The following LTBP1 variants were observed in gnomAD, a reference collection of about 807,000 sequenced individuals.
LTBP1 encodes the protein latent-transforming growth factor beta-binding protein 1.
LTBP1 carries 129 observed loss-of-function variants against 207.6 expected under a neutral mutation model. That is an observed-to-expected ratio of 0.62 (90% confidence interval 0.54 to 0.72). The LOEUF is 0.72. LTBP1 is among the 30% of genes least tolerant of loss of function. LTBP1 has a pLI of 0.00. For synonymous variants in LTBP1, 963 were observed against 833.7 expected, an observed-to-expected ratio of 1.16 and a Z score of -2.67; for missense variants, 2,281 against 2,217.2, an observed-to-expected ratio of 1.03 and a Z score of -0.58.
chr2:33,285,453 T>TTC (rs1276167640), intron 19 of LTBP1, among the ~76,000 whole-genome samples: 1 of 145,278 alleles, frequency 6.9e-6, no homozygotes, highest in Non-Finnish European at 1.5e-5. Context: ...TTCTTTTTCT[T>TTC]TTTTTTTTTT....
Position 33,280,139 on chromosome 2 carries a change from C to A in LTBP1, c.3093C>A (p.Gly1031=), listed in dbSNP as rs755339795. ...TTCCCTGCACAGAAGGATTCCGAGG[C>A]TGGAATGGACAGTGCCTTGGTAGGT... ...QCVPCTEGFR[G]WNGQCLDVDE... Residue 1031 remains glycine (G), a synonymous_variant, in exon 19 of 34, where the codon GGC becomes GGA. Coordinates refer to ENST00000404816, the MANE Select transcript of LTBP1 (RefSeq NM_206943.4). 3.7e-6 allele frequency: 6 copies of A among 1,613,970 alleles called. No individual in the cohort carries two copies. Among genetic ancestry groups the A allele is most frequent in the African/African-American group, 1.3e-5 (1 of 74,924 alleles).
rs367909095 is a variant in LTBP1, at chr2:33,240,126, C to G, written c.1877-3536C>G. 4.6e-5 allele frequency among the ~76,000 whole-genome samples: 7 copies of G among 151,982 alleles called. No homozygotes were observed. The East Asian group carries it at 1.2e-3, about 25-fold the overall frequency. On this transcript the variant is annotated intron_variant, in intron 9 of 33. Coordinates refer to ENST00000404816, the MANE Select transcript of LTBP1 (RefSeq NM_206943.4). ...GTCACGTTCCATACAGTTGTTAAGT[C>G]TGAATAGAATTACGGTTTACCATTC...
At chr2:33,216,593 A>T (rs1438286818) in intron 7 of LTBP1, among the ~76,000 whole-genome samples, 1 of 152,104 alleles carries the variant, frequency 6.6e-6, no homozygotes, top group Non-Finnish European at 1.5e-5. Context: ...AACTGTTGGG[A>T]GGATTTTTGT....
chr2:33,177,649 C>T (rs7595240), intron 5 of LTBP1, among the ~76,000 whole-genome samples: 66,628 of 151,954 alleles, frequency 0.44, 15,298 homozygotes, highest in Non-Finnish European at 0.5. Flanking sequence ...GCCTGGGTGA[C>T]AGAGTGAGAC....
chr2:33,355,252 A>C (rs72799764), intron 26 of LTBP1, among the ~76,000 whole-genome samples: 15,538 of 151,482 alleles, frequency 0.1, 1,049 homozygotes, highest in Middle Eastern at 0.16. Flanking sequence ...TCAGTGTACT[A>C]TTCTCTCGTT....
Position 33,309,517 on chromosome 2 carries a change from C to T in LTBP1, c.3565C>T (p.Pro1189Ser). ...NTAGSYDCTC[P>S]DGFQLDDNKT... ...TGCAGGGTCCTATGATTGTACTTGT[C>T]CGGATGGATTTCAGCTAGATGACAA... The change falls in exon 23 of 34, where the codon CCG (proline) becomes TCG (serine). Residue 1189 changes from proline (P) to serine (S), a missense_variant. This residue lies in a region of LTBP1 where 1,671 missense variants were observed against 1,634.8 expected (regional missense o/e 1.02). Coordinates refer to ENST00000404816, the MANE Select transcript of LTBP1 (RefSeq NM_206943.4). 6.2e-7 allele frequency: 1 copy of T among 1,610,154 alleles called. No individual in the cohort carries two copies. The highest frequency in any genetic ancestry group is 1.7e-5 in the Admixed American group (1 of 59,284).
chr2:32,994,412 C>A (rs1243300324), intron 2 of LTBP1, among the ~76,000 whole-genome samples: 1 of 151,806 alleles, frequency 6.6e-6, no homozygotes, highest in East Asian at 1.9e-4. Flanking sequence ...GTGGTAGAAC[C>A]AAGATTATAC....
chr2:33,229,128 A>G (rs575441662), intron 9 of LTBP1, among the ~76,000 whole-genome samples: 1 of 152,292 alleles, frequency 6.6e-6, no homozygotes, highest in Non-Finnish European at 1.5e-5. Flanking sequence ...GTGAGAGCTA[A>G]TAGAAGTCAA....
At chr2:33,075,890 CT>C (rs146599318) in intron 3 of LTBP1, among the ~76,000 whole-genome samples, 12,003 of 152,118 alleles carry the variant, frequency 0.079, 525 homozygotes, top group Middle Eastern at 0.12. Flanking sequence ...AAATGTGCTT[CT>C]TTATTTTTCT....
At chr2:33,149,236 A>AAAC (rs2083313843) in intron 5 of LTBP1, among the ~76,000 whole-genome samples, 2 of 116,614 alleles carry the variant, frequency 1.7e-5, no homozygotes. Flanking sequence ...AACAAAAAAA[A>AAAC]AAAAAAAAAA....
At chr2:33,224,262 T>C (rs748636003) in intron 9 of LTBP1, among the ~76,000 whole-genome samples, 16 of 152,230 alleles carry the variant, frequency 1.1e-4, no homozygotes, top group Non-Finnish European at 2.1e-4. Context: ...AAAGGCTTTC[T>C]TGTAGTTGTT....
At chr2:33,060,534 G>A (rs908794439) in intron 3 of LTBP1, among the ~76,000 whole-genome samples, 16 of 151,326 alleles carry the variant, frequency 1.1e-4, no homozygotes, top group African/African-American at 3.9e-4. Flanking sequence ...GTGTATGTAT[G>A]TGTGTGTGTG....
At chr2:33,070,015 C>T (rs116663415) in intron 3 of LTBP1, among the ~76,000 whole-genome samples, 90 of 152,288 alleles carry the variant, frequency 5.9e-4, no homozygotes, top group African/African-American at 2.1e-3. Flanking sequence ...ACAGTGAAAG[C>T]ATAACCCAGT....
At chr2:33,293,932 C>G (rs1305999192) in intron 20 of LTBP1, among the ~76,000 whole-genome samples, 1 of 128,978 alleles carries the variant, frequency 7.8e-6, no homozygotes, top group Middle Eastern at 4.6e-3. Flanking sequence ...TCTTGCTCTT[C>G]TTTAGGTATT....
At chr2:33,258,596 TA>T (rs2092923972) in intron 12 of LTBP1, among the ~76,000 whole-genome samples, 1 of 152,190 alleles carries the variant, frequency 6.6e-6, no homozygotes, top group Admixed American at 6.5e-5. Context: ...CCTGGACACT[TA>T]GTATCATGAC....
chr2:32,962,408 A>G (rs1308272698), intron 2 of LTBP1, among the ~76,000 whole-genome samples: 1 of 152,214 alleles, frequency 6.6e-6, no homozygotes, highest in Non-Finnish European at 1.5e-5. Flanking sequence ...TACAGACAAT[A>G]AGTAAATTAA....
chr2:33,070,896 G>A (rs770154847), intron 3 of LTBP1, among the ~76,000 whole-genome samples: 57 of 152,214 alleles, frequency 3.7e-4, no homozygotes, highest in Non-Finnish European at 5.1e-4. Context: ...TCTTGGCCCA[G>A]TCAGTTCATT....
At chr2:33,208,865 A>ATTT (rs3053310) in intron 7 of LTBP1, among the ~76,000 whole-genome samples, 25,529 of 112,742 alleles carry the variant, frequency 0.23, 3,503 homozygotes, top group East Asian at 0.26. Context: ...TCTTGCTACT[A>ATTT]TTTTTTTTTT....
intron 3 of LTBP1, among the ~76,000 whole-genome samples, chr2:33,045,573 T>G (rs929604935): frequency 2.6e-5 from 4 of 152,236 alleles, no homozygotes; most frequent in Admixed American, 2.6e-4. Context: ...TTCTTTTTGC[T>G]TAGGATTGTC....
Sources: gnomAD v4.1 joint callset for allele counts (sites outside exome capture counted in the v4.1 genomes callset) on GRCh38, gnomAD v4.1.1 for gene constraint, gnomAD v4.1.1 regional missense constraint, MANE v1.5 for transcripts, NCBI Gene and HGNC (gene_info 2026-07-23, HGNC 2026-07-21) for gene names.